FREM3: variants seen among roughly 807,000 people sequenced by gnomAD.
FREM3 encodes FRAS1-related extracellular matrix protein 3.
A neutral mutation model predicts 129.1 loss-of-function variants in FREM3; 105 were observed. The observed-to-expected ratio is 0.81, with a 90% CI of 0.69 to 0.96. FREM3 has a LOEUF of 0.96. Ranked by LOEUF, FREM3 falls within the 40% of genes least tolerant of loss-of-function variation. The pLI is 0.00. For missense variants in FREM3, 2,593 were observed against 2,666.3 expected (o/e 0.97, Z 0.61); for synonymous variants, 1,014 against 1,044.9 (o/e 0.97, Z 0.57).
At chr4:143,588,812 T>A (rs4446266) in intron 6 of FREM3, among the ~76,000 whole-genome samples, 104,852 of 148,692 alleles carry the variant, frequency 0.71, 39,069 homozygotes, top group Non-Finnish European at 0.83. Context: ...CCCTGAGGAA[T>A]CGCCACACTG....
Position 143,699,694 on chromosome 4 carries a change from C to T in FREM3, c.982G>A (p.Asp328Asn), listed in dbSNP as rs1243269400. The stretch of plus-strand genomic sequence containing the variant: ...TCGACGTCCTCCGCGGCCAGTGCGT[C>T]AGGCGTCAGGGCTGTCAGCACCAGT... ...DPLVLTALTP[D>N]ALAAEDVESD... is the part of the protein sequence containing the mutation. The change falls in exon 1 of 8, where the codon GAC becomes AAC. Residue 328 changes from aspartate to asparagine, a missense_variant. Physicochemically the swap from Asp to Asn is conservative, Grantham distance 23. Around this residue, in one of 2 missense-constraint regions of FREM3, gnomAD observed 2,276 missense variants for 2,267.2 expected, o/e 1.00. Coordinates refer to ENST00000329798, the MANE Select transcript of FREM3 (RefSeq NM_001168235.2). The surrounding 1 kb of genome is among the most constrained non-coding windows in gnomAD (Gnocchi z 4.2). 6.6e-7 allele frequency: 1 copy of T among 1,524,088 alleles called. No homozygotes were observed. The highest frequency in any genetic ancestry group is 2.0e-5 in the Admixed American group (1 of 50,184). 94.4% of individuals were successfully genotyped at this position (1,524,088 alleles called of 1,614,324 possible).
chr4:143,620,827 G>A (rs565560955), intron 5 of FREM3, among the ~76,000 whole-genome samples: 14 of 152,268 alleles, frequency 9.2e-5, no homozygotes, highest in East Asian at 3.9e-4. Flanking sequence ...TGAATAAAGC[G>A]TTATCCCTGG....
At chr4:143,677,421 A>G (rs756744721) in intron 2 of FREM3, among the ~76,000 whole-genome samples, 2 of 152,170 alleles carry the variant, frequency 1.3e-5, no homozygotes, top group Non-Finnish European at 2.9e-5. Flanking sequence ...TAAATGTTAA[A>G]CCAAAAGCCA....
At chr4:143,604,474 A>G (rs140381951) in intron 6 of FREM3, among the ~76,000 whole-genome samples, 211 of 152,240 alleles carry the variant, frequency 1.4e-3, no homozygotes, top group Non-Finnish European at 2.4e-3. Context: ...ACTCTATATT[A>G]ATTTTGCCTC....
At chr4:143,581,066 C>T (rs1738134267) in intron 7 of FREM3, among the ~76,000 whole-genome samples, 1 of 152,186 alleles carries the variant, frequency 6.6e-6, no homozygotes, top group Admixed American at 6.5e-5. Context: ...TGCGCTCAGG[C>T]TTGGGAGGGA....
At chr4:143,594,749 A>G (rs917497310) in intron 6 of FREM3, among the ~76,000 whole-genome samples, 1 of 152,194 alleles carries the variant, frequency 6.6e-6, no homozygotes, top group Non-Finnish European at 1.5e-5. Context: ...TGTCACTTGG[A>G]AAAAATGTCA....
intron 2 of FREM3, among the ~76,000 whole-genome samples, chr4:143,684,956 AAAAAG>A (rs1227110705): frequency 2.0e-5 from 3 of 146,694 alleles, no homozygotes; most frequent in African/African-American, 8.1e-5. Flanking sequence ...CCAAGAAAGA[AAAAAG>A]AATAAGAAAA....
chr4:143,659,530 C>T (rs113763308), intron 2 of FREM3, among the ~76,000 whole-genome samples: 19,361 of 151,224 alleles, frequency 0.13, 1,456 homozygotes, highest in African/African-American at 0.2. Flanking sequence ...TGAATAGTGC[C>T]GCAATAAACA....
chr4:143,630,465 T>C (rs1238257996), intron 2 of FREM3, among the ~76,000 whole-genome samples: 1 of 152,192 alleles, frequency 6.6e-6, no homozygotes, highest in Non-Finnish European at 1.5e-5. Flanking sequence ...TCCTTTGCAA[T>C]CTGCCTATAT....
Position 143,698,570 on chromosome 4 carries a change from A to G in FREM3, c.2106T>C (p.Ser702=), listed in dbSNP as rs773105620. ...GTGTAGTTCCTGGATACAGCTGTGG[A>G]CTCAGTATATCCACTGGTTGGACCT... ...TIKVQPVDIL[S]PQLYPGTTLE... Residue 702 remains serine, a synonymous_variant, in exon 1 of 8, where the codon AGT becomes AGC. Coordinates refer to ENST00000329798, the MANE Select transcript of FREM3 (RefSeq NM_001168235.2). The G allele has an allele frequency of 6.5e-7, 1 of 1,537,526 alleles. No individual in the cohort carries two copies. Among genetic ancestry groups the G allele is most frequent in the Admixed American group, 2.0e-5 (1 of 50,982 alleles).
At chr4:143,606,800 T>C (rs888827023) in intron 6 of FREM3, among the ~76,000 whole-genome samples, 2 of 152,156 alleles carry the variant, frequency 1.3e-5, no homozygotes, top group Non-Finnish European at 2.9e-5. Context: ...AGGATTTTTT[T>C]TTATGTATTT....
At position 143,585,625 on chromosome 4, in the gene FREM3, G is replaced by C. The variant is rs1021342061; in HGVS notation, c.6178+219C>G. On this transcript the variant is annotated intron_variant, in intron 7 of 7. Coordinates refer to ENST00000329798, the MANE Select transcript of FREM3 (RefSeq NM_001168235.2). This position sits in a 1 kb window ranked among gnomAD's most constrained non-coding sequence, Gnocchi z 4.2. ...ATTAATGTGAGCCCATGACAAGCCA[G>C]TGGGTAATAAATGAATCATAAAGGC... 6.6e-6 allele frequency among the ~76,000 whole-genome samples: 1 copy of C among 152,182 alleles called. No homozygotes were observed. Among genetic ancestry groups the C allele is most frequent in the Non-Finnish European group, 1.5e-5 (1 of 68,038 alleles).
chr4:143,682,188 G>C (rs1467296305), intron 2 of FREM3, among the ~76,000 whole-genome samples: 1 of 152,100 alleles, frequency 6.6e-6, no homozygotes, highest in Non-Finnish European at 1.5e-5. Context: ...TGGAGGCAGG[G>C]GACCTAAGGC....
intron 1 of FREM3, among the ~76,000 whole-genome samples, chr4:143,695,070 T>C (rs1369464834): frequency 6.6e-6 from 1 of 152,218 alleles, no homozygotes; most frequent in African/African-American, 2.4e-5. Flanking sequence ...ATGTAGGAAT[T>C]TATATCCAAA....
intron 2 of FREM3, among the ~76,000 whole-genome samples, chr4:143,666,495 A>G (rs551545741): frequency 4.7e-4 from 72 of 152,292 alleles, no homozygotes; most frequent in Admixed American, 1.5e-3. Flanking sequence ...ATGTCCATCA[A>G]TAGATGAGTG....
chr4:143,689,119 T>C (rs1031190241), intron 2 of FREM3, among the ~76,000 whole-genome samples: 3 of 152,036 alleles, frequency 2.0e-5, no homozygotes, highest in Admixed American at 1.3e-4. Context: ...ATCTTCACAA[T>C]GTATATATCT....
At chr4:143,629,715 T>G (rs916131871) in intron 2 of FREM3, among the ~76,000 whole-genome samples, 1 of 152,192 alleles carries the variant, frequency 6.6e-6, no homozygotes, top group African/African-American at 2.4e-5. Context: ...TCACATGTTT[T>G]ATTCTACAAA....
chr4:143,617,374 A>G (rs573988929), intron 5 of FREM3, among the ~76,000 whole-genome samples: 31 of 152,144 alleles, frequency 2.0e-4, no homozygotes, highest in Non-Finnish European at 3.7e-4. Flanking sequence ...AAAGCATGGG[A>G]CAGCCCCCAC....
At chr4:143,586,042 A>G (rs2149833607) in intron 6 of FREM3, 49 bp from the exon 7 acceptor site, 3 of 1,524,522 alleles carry the variant, frequency 2.0e-6, no homozygotes, top group Non-Finnish European at 2.6e-6. Context: ...CCTGCCTGGT[A>G]TACTGTCTCC....
Sources: allele counts gnomAD v4.1 joint callset (sites outside exome capture counted in the v4.1 genomes callset), GRCh38; gene constraint gnomAD v4.1.1; regional missense constraint gnomAD v4.1.1; non-coding constraint Gnocchi (gnomAD v3.1); transcripts MANE v1.5; gene names NCBI Gene and HGNC (gene_info 2026-07-23, HGNC 2026-07-21).